Variants in ZCCHC17 observed in about 807,000 individuals in gnomAD.
ZCCHC17 encodes the protein zinc finger CCHC domain-containing protein 17.
Under a neutral mutation model 30.6 loss-of-function variants are expected in ZCCHC17, and 18 were observed. The ratio of observed to expected loss-of-function variants is 0.59; its 90% confidence interval spans 0.41 to 0.87. ZCCHC17 has a LOEUF of 0.87. ZCCHC17 is among the 40% of genes least tolerant of loss of function. The pLI, the probability that ZCCHC17 is intolerant of heterozygous loss-of-function variation, is 0.00. For synonymous variants in ZCCHC17, 88 were observed against 92.4 expected, an observed-to-expected ratio of 0.95 and a Z score of 0.27; for missense variants, 263 against 284.2, an observed-to-expected ratio of 0.93 and a Z score of 0.54.
intron 1 of ZCCHC17, among the ~76,000 whole-genome samples, chr1:31,308,681 G>C (rs1224599802): frequency 6.6e-6 from 1 of 152,184 alleles, no homozygotes; most frequent in African/African-American, 2.4e-5. Flanking sequence ...TTTCCCCTCT[G>C]TTTAAGATCA....
intron 1 of ZCCHC17, among the ~76,000 whole-genome samples, 195 bp from the exon 2 acceptor site, chr1:31,309,849 G>A (rs1052833997): frequency 6.6e-6 from 1 of 151,978 alleles, no homozygotes; most frequent in Non-Finnish European, 1.5e-5. Flanking sequence ...CCTTGGGTAA[G>A]TAACAAATTG....
At chr1:31,302,306 T>C (rs927089080) in intron 1 of ZCCHC17, among the ~76,000 whole-genome samples, 3 of 150,752 alleles carry the variant, frequency 2.0e-5, no homozygotes, top group Non-Finnish European at 4.4e-5. Context: ...TCTTCTTCTA[T>C]ATCCTTTAGA....
intron 5 of ZCCHC17, among the ~76,000 whole-genome samples, chr1:31,343,115 A>G (rs1286315784): frequency 6.6e-6 from 1 of 152,148 alleles, no homozygotes; most frequent in Non-Finnish European, 1.5e-5. Context: ...TTGCTCTGTT[A>G]CCCAGGCTGG....
chr1:31,302,040 C>T (rs1646325540), intron 1 of ZCCHC17, among the ~76,000 whole-genome samples: 1 of 152,060 alleles, frequency 6.6e-6, no homozygotes, highest in South Asian at 2.1e-4. Flanking sequence ...CCAACCTGGC[C>T]AACATGGTGA....
At chr1:31,350,992 T>C (rs1245466972) in intron 7 of ZCCHC17, among the ~76,000 whole-genome samples, 5 of 152,216 alleles carry the variant, frequency 3.3e-5, no homozygotes, top group African/African-American at 1.2e-4. Flanking sequence ...AAAAATAAGA[T>C]ATAAAGCACT....
At chr1:31,363,796 A>G (rs1640022321) in intron 7 of ZCCHC17, among the ~76,000 whole-genome samples, 1 of 152,118 alleles carries the variant, frequency 6.6e-6, no homozygotes, top group African/African-American at 2.4e-5. Context: ...AAGAAAATTA[A>G]GTGGTCCCCT....
chr1:31,298,992 TTAAA>T (rs1409096661), intron 1 of ZCCHC17, among the ~76,000 whole-genome samples: 10 of 152,182 alleles, frequency 6.6e-5, no homozygotes, highest in South Asian at 6.2e-4. Flanking sequence ...TTTCTAGAAT[TTAAA>T]TAACATGAAG....
At chr1:31,331,910 G>A (rs1163799948) in intron 3 of ZCCHC17, among the ~76,000 whole-genome samples, 5 of 152,014 alleles carry the variant, frequency 3.3e-5, no homozygotes, top group Admixed American at 1.3e-4. Context: ...ATGCCCGGCC[G>A]AGATGGATTT....
chr1:31,353,287 T>C (rs796346819), intron 7 of ZCCHC17, among the ~76,000 whole-genome samples: 26 of 152,348 alleles, frequency 1.7e-4, no homozygotes, highest in African/African-American at 6.3e-4. Flanking sequence ...CCATCAGATA[T>C]ATGGTTTGCA....
chr1:31,298,546 G>C (rs1286252726), intron 1 of ZCCHC17, among the ~76,000 whole-genome samples: 1 of 151,982 alleles, frequency 6.6e-6, no homozygotes, highest in African/African-American at 2.4e-5. Flanking sequence ...CACTGTGCCC[G>C]GCCAATTTTT....
At position 31,339,960 on chromosome 1, in the gene ZCCHC17, C is replaced by CTTT. The variant is rs36008834; in HGVS notation, c.317+934_317+936dup. On this transcript the variant is annotated intron_variant, in intron 5 of 7. Transcript: ENST00000344147. ...TCTGTCTCAAGTCTTTCTTGGATTT[C>CTTT]TTTTTTTTTTTTTTTTTTTTTTTTG... is the stretch of plus-strand genomic sequence containing the variant. 5.2e-3 allele frequency among the ~76,000 whole-genome samples: 470 copies of CTTT among 90,358 alleles called. 11 individuals carry two copies. Among genetic ancestry groups the CTTT allele is most frequent in the Middle Eastern group, 0.013 (1 of 78 alleles). 59.3% of individuals were successfully genotyped at this position (90,358 alleles called of 152,430 possible). A position where few individuals can be genotyped will look rare whatever the true frequency, so the allele number is the denominator to read the frequency against.
chr1:31,298,424 C>T (rs1375164620), intron 1 of ZCCHC17, among the ~76,000 whole-genome samples: 1 of 147,138 alleles, frequency 6.8e-6, no homozygotes, highest in African/African-American at 2.6e-5. Flanking sequence ...CTTGCTCTGT[C>T]GCCCAGGCTG....
chr1:31,345,332 AT>A (rs1218942802), intron 5 of ZCCHC17, among the ~76,000 whole-genome samples: 1 of 150,340 alleles, frequency 6.7e-6, no homozygotes, highest in Non-Finnish European at 1.5e-5. Flanking sequence ...AATTTTTTGT[AT>A]TTTTAGTAGA....
chr1:31,307,273 C>T (rs1646485886), intron 1 of ZCCHC17, among the ~76,000 whole-genome samples: 1 of 151,796 alleles, frequency 6.6e-6, no homozygotes, highest in Non-Finnish European at 1.5e-5. Context: ...CCCCAGTTTC[C>T]TTCTTGAAGA....
chr1:31,315,815 C>A lies in ZCCHC17; in HGVS notation c.67-3294C>A, dbSNP rs541012430. Among the ~76,000 whole-genome samples, 8 of 152,268 alleles carry A rather than the reference C, an allele frequency of 5.3e-5. No individual in the cohort carries two copies. In the South Asian group the frequency reaches 1.7e-3, roughly 32 times the overall value. ...ATTTGACTAATTATTCTTGGGACAC[C>A]AGGCAGACTGCGTGATCATCTATGG... On this transcript the variant is annotated intron_variant, in intron 2 of 7. Transcript: ENST00000344147.
chr1:31,321,245 C>A (rs1646853225), intron 3 of ZCCHC17, among the ~76,000 whole-genome samples: 1 of 152,158 alleles, frequency 6.6e-6, no homozygotes, highest in Non-Finnish European at 1.5e-5. Context: ...AACACAAGAT[C>A]TGATGGTTTT....
chr1:31,332,847 C>G (rs1010396384), intron 3 of ZCCHC17, among the ~76,000 whole-genome samples: 1 of 152,060 alleles, frequency 6.6e-6, no homozygotes, highest in East Asian at 1.9e-4. Flanking sequence ...GTCTTGAACT[C>G]CTGACCTCAA....
chr1:31,346,391 T>C (rs1403999674), intron 5 of ZCCHC17, among the ~76,000 whole-genome samples: 1 of 152,180 alleles, frequency 6.6e-6, no homozygotes, highest in African/African-American at 2.4e-5. Context: ...GTAGGGTGTT[T>C]AGCATGTTGA....
intron 3 of ZCCHC17, among the ~76,000 whole-genome samples, chr1:31,331,851 C>T (rs1398231167): frequency 2.0e-5 from 3 of 151,880 alleles, no homozygotes; most frequent in Non-Finnish European, 4.4e-5. Flanking sequence ...ACCTCCTGAT[C>T]CGCCTGCCTC....
Sources: gnomAD v4.1 joint callset for allele counts (sites outside exome capture counted in the v4.1 genomes callset) on GRCh38, gnomAD v4.1.1 for gene constraint, MANE v1.5 for transcripts, NCBI Gene and HGNC (gene_info 2026-07-23, HGNC 2026-07-21) for gene names.